MNAT1: variants seen among roughly 807,000 people sequenced by gnomAD.
MNAT1 encodes the protein MNAT1 component of CDK activating kinase.
Under a neutral mutation model 42.0 loss-of-function variants are expected in MNAT1, and 43 were observed. The ratio of observed to expected loss-of-function variants is 1.02; its 90% CI spans 0.80 to 1.32. The LOEUF (loss-of-function observed/expected upper bound fraction) is 1.32, where lower values mean the gene tolerates loss of function less well. Ranked by LOEUF, MNAT1 falls within the 40% of genes most tolerant of loss-of-function variation. MNAT1 has a pLI of 0.00. For missense variants in MNAT1, 306 were observed against 350.4 expected, an observed-to-expected ratio of 0.87 and a Z score of 1.01; for synonymous variants, 118 against 120.0, an observed-to-expected ratio of 0.98 and a Z score of 0.11.
At chr14:60,940,226 A>G (rs1165243801) in intron 7 of MNAT1, among the ~76,000 whole-genome samples, 1 of 152,120 alleles carries the variant, frequency 6.6e-6, no homozygotes, top group Non-Finnish European at 1.5e-5. Context: ...CATTTAGCCC[A>G]TTTACATTTA....
At chr14:60,777,051 T>C (rs2031279884) in intron 1 of MNAT1, among the ~76,000 whole-genome samples, 1 of 152,152 alleles carries the variant, frequency 6.6e-6, no homozygotes, top group African/African-American at 2.4e-5. Context: ...GGTTTCGCCA[T>C]GTTGCCCAGG....
At chr14:60,737,895 C>T (rs1896351581) in intron 1 of MNAT1, among the ~76,000 whole-genome samples, 1 of 149,772 alleles carries the variant, frequency 6.7e-6, no homozygotes, top group Non-Finnish European at 1.5e-5. Context: ...GTCGCCCAGG[C>T]TAGAGTGCAG....
intron 3 of MNAT1, among the ~76,000 whole-genome samples, chr14:60,805,020 A>G (rs538234041): frequency 1.3e-5 from 2 of 152,328 alleles, no homozygotes; most frequent in Admixed American, 6.5e-5. Context: ...GATTCATACC[A>G]TAAGAAACCA....
At chr14:60,963,532 G>A (rs1365898385) in intron 7 of MNAT1, among the ~76,000 whole-genome samples, 1 of 152,154 alleles carries the variant, frequency 6.6e-6, no homozygotes, top group East Asian at 1.9e-4. Flanking sequence ...TAGGCTTCAG[G>A]TTGTTAATGT....
chr14:60,909,073 G>T (rs1344051418), intron 7 of MNAT1, among the ~76,000 whole-genome samples: 1 of 152,218 alleles, frequency 6.6e-6, no homozygotes, highest in Non-Finnish European at 1.5e-5. Context: ...CTGATGGCCA[G>T]TGATGATTAG....
intron 7 of MNAT1, among the ~76,000 whole-genome samples, chr14:60,881,212 T>C (rs1281392744): frequency 3.3e-5 from 5 of 152,132 alleles, no homozygotes; most frequent in Non-Finnish European, 1.5e-5. Context: ...TGAGACAGAG[T>C]CTCACTTTGT....
chr14:60,778,490 T>TC (rs2031330414), intron 1 of MNAT1, among the ~76,000 whole-genome samples: 1 of 152,178 alleles, frequency 6.6e-6, no homozygotes, highest in South Asian at 2.1e-4. Flanking sequence ...TTCTTCTAGT[T>TC]TGGGATTAAC....
At chr14:60,748,939 A>G (rs7141362) in intron 1 of MNAT1, among the ~76,000 whole-genome samples, 3,847 of 152,274 alleles carry the variant, frequency 0.025, 138 homozygotes, top group African/African-American at 0.081. Context: ...GACTGGTGGT[A>G]CAGTAGGTTT....
intron 1 of MNAT1, among the ~76,000 whole-genome samples, chr14:60,738,489 C>T (rs1896372958): frequency 6.6e-6 from 1 of 152,008 alleles, no homozygotes; most frequent in Admixed American, 6.6e-5. Context: ...CTACTGACTT[C>T]GTGATCCAGC....
chr14:60,879,309 A>G (rs980217818), intron 6 of MNAT1, among the ~76,000 whole-genome samples: 18 of 152,170 alleles, frequency 1.2e-4, no homozygotes, highest in African/African-American at 3.9e-4. Context: ...GCTTCCAACT[A>G]GGTGCTGTTC....
At chr14:60,916,483 C>T (rs1366912434) in intron 7 of MNAT1, among the ~76,000 whole-genome samples, 5 of 151,970 alleles carry the variant, frequency 3.3e-5, no homozygotes, top group South Asian at 2.1e-4. Flanking sequence ...AACAAGATCT[C>T]GTCTTTACAA....
intron 3 of MNAT1, 41 bp downstream of exon 3, chr14:60,798,201 G>A (rs1477271132): frequency 9.3e-7 from 1 of 1,071,080 alleles, no homozygotes; most frequent in Non-Finnish European, 1.4e-6. Context: ...ATAAGACCAT[G>A]TGCTTTTATC....
chr14:60,909,676 G>T (rs2035301510), intron 7 of MNAT1, among the ~76,000 whole-genome samples: 1 of 152,016 alleles, frequency 6.6e-6, no homozygotes, highest in Non-Finnish European at 1.5e-5. Flanking sequence ...CTGTTCCATT[G>T]GTCTATATGT....
At chr14:60,885,312 C>G (rs1000406680) in intron 7 of MNAT1, among the ~76,000 whole-genome samples, 1 of 151,646 alleles carries the variant, frequency 6.6e-6, no homozygotes, top group Non-Finnish European at 1.5e-5. Context: ...CTATTTAGGC[C>G]CCATAACTCT....
chr14:60,867,673 G>A (rs1219884989), intron 6 of MNAT1, among the ~76,000 whole-genome samples: 1 of 151,876 alleles, frequency 6.6e-6, no homozygotes, highest in East Asian at 1.9e-4. Context: ...TCCACTTAGT[G>A]GTCATGAAAT....
At chr14:60,857,756 G>T (rs960686216) in intron 6 of MNAT1, among the ~76,000 whole-genome samples, 2 of 151,086 alleles carry the variant, frequency 1.3e-5, no homozygotes, top group Non-Finnish European at 2.9e-5. Context: ...CCCGGTGTGT[G>T]ATGTTCCCCT....
At position 60,890,287 on chromosome 14, in the gene MNAT1, A is replaced by C. The variant is rs569514517; in HGVS notation, c.809+10452A>C. 3.9e-5 allele frequency among the ~76,000 whole-genome samples: 6 copies of C among 152,300 alleles called. No individual in the cohort carries two copies. In the South Asian group the frequency reaches 8.3e-4, roughly 21 times the overall value. ...ATTTGTTAAACCAACCTTGCATCCCAGGCATAAATTTACGTACTCATGATG... is the reference window on the plus strand; with the variant it reads ...ATTTGTTAAACCAACCTTGCATCCCCGGCATAAATTTACGTACTCATGATG... On this transcript the variant is annotated intron_variant, in intron 7 of 7. Coordinates refer to ENST00000261245, the MANE Select transcript of MNAT1 (RefSeq NM_002431.4).
At chr14:60,747,665 A>G (rs1419323915) in intron 1 of MNAT1, among the ~76,000 whole-genome samples, 2 of 152,210 alleles carry the variant, frequency 1.3e-5, no homozygotes, top group African/African-American at 4.8e-5. Context: ...ATATTACTAT[A>G]CACTACTGTA....
intron 1 of MNAT1, among the ~76,000 whole-genome samples, chr14:60,782,258 C>T (rs192609004): frequency 1.5e-3 from 230 of 152,072 alleles, no homozygotes; most frequent in African/African-American, 4.9e-3. Context: ...CATTTGAGGC[C>T]ATTTCCCCAA....
Sources: gnomAD v4.1 joint callset for allele counts (sites outside exome capture counted in the v4.1 genomes callset) on GRCh38, gnomAD v4.1.1 for gene constraint, MANE v1.5 for transcripts, NCBI Gene and HGNC (gene_info 2026-07-23, HGNC 2026-07-21) for gene names.